SMAP1: variants seen among roughly 807,000 people sequenced by gnomAD.
The protein encoded by SMAP1 is small ArfGAP 1, also known as stromal membrane-associated protein 1.
SMAP1 carries 24 observed loss-of-function variants against 58.5 expected under a neutral mutation model. The ratio of observed to expected loss-of-function variants is 0.41; its 90% CI spans 0.30 to 0.58. SMAP1 has a LOEUF of 0.58. Ranked by LOEUF, SMAP1 falls within the 20% of genes least tolerant of loss-of-function variation. The pLI is 0.29. For synonymous variants in SMAP1, 216 were observed against 196.6 expected, an observed-to-expected ratio of 1.10 and a Z score of -0.82; for missense variants, 563 against 566.3, an observed-to-expected ratio of 0.99 and a Z score of 0.06.
At chr6:70,668,510 T>C (rs1766129791) in intron 1 of SMAP1, 1 of 1,493,380 alleles carries the variant, frequency 6.7e-7, no homozygotes, top group East Asian at 2.5e-5. Flanking sequence ...AGAGTTGCCC[T>C]CCTAGCTCTG....
At chr6:70,840,594 TATCAACTGTAA>T (rs1770764831) in intron 7 of SMAP1, among the ~76,000 whole-genome samples, 1 of 144,016 alleles carries the variant, frequency 6.9e-6, no homozygotes, top group Non-Finnish European at 1.5e-5. Context: ...CTTGTGTTCC[TATCAACTGTAA>T]AAACAGGCAT....
intron 1 of SMAP1, among the ~76,000 whole-genome samples, chr6:70,717,879 G>GA (rs774905638): frequency 4.6e-5 from 7 of 152,176 alleles, no homozygotes; most frequent in Non-Finnish European, 7.4e-5. Context: ...TTGATGATGA[G>GA]AAAATAATAT....
intron 2 of SMAP1, among the ~76,000 whole-genome samples, chr6:70,740,295 C>T (rs1765761104): frequency 6.6e-6 from 1 of 152,134 alleles, no homozygotes; most frequent in Non-Finnish European, 1.5e-5. Flanking sequence ...GGCGGTGGCT[C>T]ATGCCTATAA....
chr6:70,788,692 G>A (rs1768197345), intron 4 of SMAP1, among the ~76,000 whole-genome samples: 1 of 152,108 alleles, frequency 6.6e-6, no homozygotes, highest in Non-Finnish European at 1.5e-5. Context: ...AAAACCAGAA[G>A]GAGTCATATA....
intron 8 of SMAP1, among the ~76,000 whole-genome samples, chr6:70,853,414 C>T (rs1287647705): frequency 6.6e-6 from 1 of 152,062 alleles, no homozygotes; most frequent in Non-Finnish European, 1.5e-5. Flanking sequence ...TACAAATAAA[C>T]AAGCAGTTTG....
chr6:70,758,559 G>A (rs1184881985), intron 3 of SMAP1, among the ~76,000 whole-genome samples: 1 of 151,360 alleles, frequency 6.6e-6, no homozygotes, highest in Non-Finnish European at 1.5e-5. Context: ...ACACATGAAG[G>A]ATTTTGAAGC....
chr6:70,789,233 A>T (rs6908248), intron 4 of SMAP1, among the ~76,000 whole-genome samples: 5,863 of 152,252 alleles, frequency 0.039, 430 homozygotes, highest in African/African-American at 0.13. Flanking sequence ...TAAGGTACAG[A>T]TCAATGAATT....
At chr6:70,799,339 T>C (rs1029843633) in intron 6 of SMAP1, among the ~76,000 whole-genome samples, 1 of 152,164 alleles carries the variant, frequency 6.6e-6, no homozygotes, top group Non-Finnish European at 1.5e-5. Context: ...GAGCAGCACT[T>C]CAAATTCTAA....
intron 4 of SMAP1, among the ~76,000 whole-genome samples, chr6:70,787,121 A>T (rs1407424646): frequency 6.6e-6 from 1 of 152,182 alleles, no homozygotes; most frequent in Admixed American, 6.5e-5. Flanking sequence ...AATGGAACAG[A>T]ACAGAGGCCT....
intron 6 of SMAP1, among the ~76,000 whole-genome samples, chr6:70,832,446 G>T (rs1051959172): frequency 3.3e-5 from 5 of 152,166 alleles, no homozygotes; most frequent in African/African-American, 1.2e-4. Flanking sequence ...GAATCTATGT[G>T]TGTGTGTATC....
chr6:70,755,111 C>G, intron 3 of SMAP1, 46 bp downstream of exon 3: 1 of 1,404,354 alleles, frequency 7.1e-7, no homozygotes, highest in East Asian at 2.3e-5. Context: ...AACATTAACT[C>G]ATTTTTACAG....
At chr6:70,708,891 T>C (rs531374130) in intron 1 of SMAP1, among the ~76,000 whole-genome samples, 40 of 152,326 alleles carry the variant, frequency 2.6e-4, no homozygotes, top group African/African-American at 9.1e-4. Flanking sequence ...GGTTTGCAAA[T>C]ATTTTGCCCC....
chr6:70,767,138 T>G (rs983446800), intron 3 of SMAP1, among the ~76,000 whole-genome samples: 2 of 152,160 alleles, frequency 1.3e-5, no homozygotes, highest in African/African-American at 4.8e-5. Context: ...CATGCTGTTT[T>G]GGTTACTGTA....
At chr6:70,812,116 G>C (rs751993412) in intron 6 of SMAP1, among the ~76,000 whole-genome samples, 3 of 152,146 alleles carry the variant, frequency 2.0e-5, no homozygotes, top group Non-Finnish European at 4.4e-5. Context: ...GTGATTGTAG[G>C]TAATTGAAGA....
In SMAP1 at chr6:70,860,550, A is replaced by G; in HGVS notation, c.*216A>G. On this transcript the variant is annotated 3_prime_UTR_variant, in exon 11 of 11. Transcript: ENST00000370455. ...TTTTATGTCAAGGGCAGCTTTGCTCATATTTCCCATGATTTCATGTACTGC... is the reference window on the plus strand; with the variant it reads ...TTTTATGTCAAGGGCAGCTTTGCTCGTATTTCCCATGATTTCATGTACTGC... The G allele has an allele frequency of 2.1e-6, 1 of 480,912 alleles. No homozygotes were observed. The highest frequency in any genetic ancestry group is 6.1e-5 in the South Asian group (1 of 16,460). 29.8% of individuals were successfully genotyped at this position (480,912 alleles called of 1,614,324 possible).
Position 70,793,088 on chromosome 6 carries a change from G to A in SMAP1, c.495+1319G>A, listed in dbSNP as rs142911091. ...TCTTGCTCTGTTGCCAGGCTGGACT[G>A]CAGTGGCGCGATCTCGGCTTACTGC... On this transcript the variant is annotated intron_variant, in intron 5 of 10. Coordinates refer to ENST00000370455, the MANE Select transcript of SMAP1 (RefSeq NM_001044305.3). 2.4e-3 allele frequency among the ~76,000 whole-genome samples: 371 copies of A among 152,214 alleles called. 3 individuals are homozygous for A. The highest frequency in any genetic ancestry group is 8.3e-3 in the African/African-American group (344 of 41,516).
intron 4 of SMAP1, among the ~76,000 whole-genome samples, chr6:70,783,332 T>G (rs1044755681): frequency 3.3e-5 from 5 of 151,912 alleles, no homozygotes; most frequent in Admixed American, 3.3e-4. Context: ...CAAAAGTAGA[T>G]GAAACCACAA....
intron 6 of SMAP1, among the ~76,000 whole-genome samples, chr6:70,835,251 C>CAAAAAAAAAA (rs778677881): frequency 1.7e-5 from 1 of 57,948 alleles, no homozygotes; most frequent in South Asian, 6.8e-4. Flanking sequence ...GACTCCGTCT[C>CAAAAAAAAAA]AAAAAAAAAA....
intron 1 of SMAP1, among the ~76,000 whole-genome samples, chr6:70,677,374 G>T (rs1268658191): frequency 2.8e-5 from 4 of 141,414 alleles, no homozygotes; most frequent in Non-Finnish European, 4.6e-5. Flanking sequence ...TTATTGCAAA[G>T]ATTTATTTCA....
Sources: allele counts gnomAD v4.1 joint callset (sites outside exome capture counted in the v4.1 genomes callset), GRCh38; gene constraint gnomAD v4.1.1; transcripts MANE v1.5; gene names NCBI Gene and HGNC (gene_info 2026-07-23, HGNC 2026-07-21).